UBXN8: variants seen among roughly 807,000 people sequenced by gnomAD.
The protein encoded by UBXN8 is UBX domain-containing protein 8.
UBXN8 carries 27 observed loss-of-function variants against 32.1 expected under a neutral mutation model. That is an observed-to-expected ratio of 0.84 (90% CI 0.62 to 1.16). UBXN8 has a LOEUF of 1.16. UBXN8 is among the 50% of genes most tolerant of loss of function. UBXN8 has a pLI of 0.00. For missense variants in UBXN8, 306 were observed against 311.4 expected, an observed-to-expected ratio of 0.98 and a Z score of 0.13; for synonymous variants, 109 against 111.8, an observed-to-expected ratio of 0.98 and a Z score of 0.16.
At chr8:30,760,059 C>CT (rs1239426126) in intron 5 of UBXN8, among the ~76,000 whole-genome samples, 1 of 98,402 alleles carries the variant, frequency 1.0e-5, no homozygotes, top group Non-Finnish European at 2.2e-5. Flanking sequence ...ACTGAATTTT[C>CT]TTTTCTTTTT....
chr8:30,749,053 G>A (rs912724191), intron 1 of UBXN8, among the ~76,000 whole-genome samples: 3 of 152,082 alleles, frequency 2.0e-5, no homozygotes, highest in Non-Finnish European at 4.4e-5. Flanking sequence ...TGCAAAGTAG[G>A]TAGTTAGATT....
chr8:30,764,826 C>G (rs181029073), intron 7 of UBXN8, among the ~76,000 whole-genome samples: 1 of 152,082 alleles, frequency 6.6e-6, no homozygotes, highest in African/African-American at 2.4e-5. Context: ...CTGAGGCAAG[C>G]GGATCATGAG....
chr8:30,739,501 G>A (rs1805150958), upstream of UBXN8, among the ~76,000 whole-genome samples: 1 of 152,160 alleles, frequency 6.6e-6, no homozygotes, highest in Admixed American at 6.5e-5. Context: ...CCGAGATTGT[G>A]CCACTGCACT....
At chr8:30,742,712 C>A (rs554901260), upstream of UBXN8, among the ~76,000 whole-genome samples, 1 of 152,136 alleles carries the variant, frequency 6.6e-6, no homozygotes, top group Non-Finnish European at 1.5e-5. Context: ...TGAAATCCCA[C>A]CCTTCCCGGA....
chr8:30,751,892 A>C (rs1805531304), intron 2 of UBXN8, among the ~76,000 whole-genome samples: 1 of 150,950 alleles, frequency 6.6e-6, no homozygotes, highest in African/African-American at 2.4e-5. Flanking sequence ...TCTACCATTA[A>C]ACTTTTTTTT....
At chr8:30,746,850 C>T (rs1805375717) in intron 1 of UBXN8, among the ~76,000 whole-genome samples, 2 of 139,738 alleles carry the variant, frequency 1.4e-5, no homozygotes, top group Non-Finnish European at 3.1e-5. Context: ...AGGCCAGTTC[C>T]TCACGTTGAA....
chr8:30,764,393 C>T (rs913124945), intron 7 of UBXN8, among the ~76,000 whole-genome samples: 1 of 152,154 alleles, frequency 6.6e-6, no homozygotes, highest in Non-Finnish European at 1.5e-5. Flanking sequence ...TGGTCTCAAA[C>T]TCCTGGGCTC....
At chr8:30,744,841 G>C in intron 1 of UBXN8, among the ~76,000 whole-genome samples, 1 of 152,334 alleles carries the variant, frequency 6.6e-6, no homozygotes, top group East Asian at 1.9e-4. Context: ...CACGTTGGAG[G>C]AAAAGGTGAA....
intron 5 of UBXN8, among the ~76,000 whole-genome samples, chr8:30,760,435 ATATATATATT>A (rs1349169592): frequency 9.4e-5 from 4 of 42,380 alleles, no homozygotes; most frequent in African/African-American, 4.1e-4. Flanking sequence ...ATATATATAT[ATATATATATT>A]TTTTTTTTTT....
intron 6 of UBXN8, among the ~76,000 whole-genome samples, chr8:30,762,041 C>T (rs1191677591): frequency 1.4e-5 from 2 of 147,256 alleles, no homozygotes; most frequent in African/African-American, 5.0e-5. Context: ...GGCTCGGCAA[C>T]AGTTATACTC....
upstream of UBXN8, chr8:30,744,163 C>A (rs1433826251): frequency 6.2e-7 from 1 of 1,604,966 alleles, no homozygotes; most frequent in Non-Finnish European, 8.5e-7. Context: ...GGCGGGCTTT[C>A]CGCCTGCACC....
At chr8:30,749,116 G>C (rs1336810690) in intron 1 of UBXN8, among the ~76,000 whole-genome samples, 1 of 152,082 alleles carries the variant, frequency 6.6e-6, no homozygotes, top group Non-Finnish European at 1.5e-5. Context: ...AATACTGGCT[G>C]GGTGCGGTGG....
upstream of UBXN8, among the ~76,000 whole-genome samples, chr8:30,731,586 T>TCC (rs1211663865): frequency 6.6e-6 from 1 of 151,606 alleles, no homozygotes; most frequent in Non-Finnish European, 1.5e-5. Context: ...ACCCTTACGG[T>TCC]CCCCCGAGAG....
chr8:30,754,906 A>G, intron 4 of UBXN8, 119 bp downstream of exon 4: 1 of 1,292,412 alleles, frequency 7.7e-7, no homozygotes, highest in Non-Finnish European at 1.0e-6. Flanking sequence ...GATAATGATT[A>G]TCAGTTTTTG....
At chr8:30,744,563 TTGA>T (rs1396324634) in intron 1 of UBXN8, 1 of 501,462 alleles carries the variant, frequency 2.0e-6, no homozygotes, top group Non-Finnish European at 3.5e-6. Context: ...AATAAACAGG[TTGA>T]TAAGATGAAG....
chr8:30,751,975 C>T (rs1805533483), intron 2 of UBXN8, among the ~76,000 whole-genome samples: 1 of 151,704 alleles, frequency 6.6e-6, no homozygotes, highest in Admixed American at 6.6e-5. Flanking sequence ...TCACTGCAAC[C>T]TCCACCTCCT....
At chr8:30,744,662 C>G (rs1805316321) in intron 1 of UBXN8, among the ~76,000 whole-genome samples, 2 of 152,236 alleles carry the variant, frequency 1.3e-5, no homozygotes, top group Admixed American at 1.3e-4. Context: ...GTCTCGAACT[C>G]CTGGGTTCAA....
At chr8:30,743,077 G>T (rs1283872132), upstream of UBXN8, among the ~76,000 whole-genome samples, 3 of 151,848 alleles carry the variant, frequency 2.0e-5, no homozygotes, top group Non-Finnish European at 2.9e-5. Context: ...TCAGGAAAAA[G>T]AATTTTCTTT....
chr8:30,743,150 C>A (rs1244730322), upstream of UBXN8, among the ~76,000 whole-genome samples: 4 of 105,046 alleles, frequency 3.8e-5, no homozygotes, highest in East Asian at 6.0e-4. Flanking sequence ...AATATAATTT[C>A]TTTCTTTCTT....
Sources: allele counts gnomAD v4.1 joint callset (sites outside exome capture counted in the v4.1 genomes callset), GRCh38; gene constraint gnomAD v4.1.1; transcripts MANE v1.5; gene names NCBI Gene and HGNC (gene_info 2026-07-23, HGNC 2026-07-21).